The following ROBO1 variants were observed in gnomAD, a reference collection of about 807,000 sequenced individuals.
The protein encoded by ROBO1 is roundabout homolog 1.
A neutral mutation model predicts 195.9 loss-of-function variants in ROBO1; 149 were observed. The ratio of observed to expected loss-of-function variants is 0.76; its 90% CI spans 0.67 to 0.87. The LOEUF (loss-of-function observed/expected upper bound fraction) is 0.87. Among genes scored for constraint, ROBO1 ranks in the 40% least tolerant of loss-of-function variants. The pLI, the probability that ROBO1 is intolerant of heterozygous loss-of-function variation, is 0.00. For synonymous variants in ROBO1, 816 were observed against 733.2 expected (o/e 1.11, Z -1.82); for missense variants, 1,933 against 2,068.3 (o/e 0.93, Z 1.27).
chr3:79,366,008 C>G (rs542319433), intron 2 of ROBO1, among the ~76,000 whole-genome samples: 21 of 152,166 alleles, frequency 1.4e-4, no homozygotes, highest in African/African-American at 4.3e-4. Flanking sequence ...GTTATGCACT[C>G]TCATCCTTGT....
chr3:79,681,388 G>A (rs1946943081), intron 1 of ROBO1, among the ~76,000 whole-genome samples: 2 of 151,912 alleles, frequency 1.3e-5, no homozygotes, highest in African/African-American at 4.8e-5. Context: ...AATATAAAGA[G>A]CTTTCAGAGA....
intron 4 of ROBO1, among the ~76,000 whole-genome samples, chr3:78,753,395 C>G (rs369783195): frequency 6.3e-4 from 96 of 152,254 alleles, no homozygotes; most frequent in Middle Eastern, 6.8e-3. Context: ...GTGCAAAATA[C>G]TCCCTAGTGC....
intron 2 of ROBO1, among the ~76,000 whole-genome samples, chr3:79,280,660 C>A (rs1267852010): frequency 2.0e-5 from 3 of 152,104 alleles, no homozygotes; most frequent in Non-Finnish European, 4.4e-5. Context: ...CACCAGGGAC[C>A]AGTTTTGTAG....
intron 3 of ROBO1, among the ~76,000 whole-genome samples, chr3:79,083,808 T>C (rs1200287148): frequency 2.0e-5 from 3 of 152,206 alleles, no homozygotes; most frequent in African/African-American, 4.8e-5. Context: ...AGGGTTCTTA[T>C]CTAGAGTGGC....
chr3:78,682,170 C>A (rs1382190305), intron 10 of ROBO1, among the ~76,000 whole-genome samples: 1 of 151,732 alleles, frequency 6.6e-6, no homozygotes, highest in Non-Finnish European at 1.5e-5. Flanking sequence ...AAGTTAGGAT[C>A]AAGAAAAGTA....
chr3:79,447,041 G>C (rs764299974), intron 2 of ROBO1, among the ~76,000 whole-genome samples: 3 of 151,778 alleles, frequency 2.0e-5, no homozygotes, highest in African/African-American at 4.8e-5. Context: ...ATGTTGGCCA[G>C]TCTGGTCTCG....
intron 1 of ROBO1, among the ~76,000 whole-genome samples, chr3:79,729,943 C>A (rs1703077024): frequency 6.6e-6 from 1 of 152,114 alleles, no homozygotes; most frequent in African/African-American, 2.4e-5. Context: ...CCCATGATTT[C>A]TCTGTGAAAG....
At chr3:79,741,651 G>A (rs1703655276) in intron 1 of ROBO1, among the ~76,000 whole-genome samples, 1 of 152,150 alleles carries the variant, frequency 6.6e-6, no homozygotes, top group South Asian at 2.1e-4. Flanking sequence ...ATCTGAAAAT[G>A]CAAAAGTGAC....
intron 1 of ROBO1, among the ~76,000 whole-genome samples, chr3:79,756,356 C>A (rs1407497542): frequency 6.6e-6 from 1 of 151,942 alleles, no homozygotes; most frequent in African/African-American, 2.4e-5. Flanking sequence ...TCGAGATCAG[C>A]CTGAACAACA....
chr3:79,658,888 C>T (rs1946247946), intron 1 of ROBO1, among the ~76,000 whole-genome samples: 1 of 151,956 alleles, frequency 6.6e-6, no homozygotes, highest in Non-Finnish European at 1.5e-5. Context: ...AGTCATGTGC[C>T]AGCATGTCCG....
At chr3:79,617,543 C>T (rs1198052130) in intron 1 of ROBO1, among the ~76,000 whole-genome samples, 2 of 151,970 alleles carry the variant, frequency 1.3e-5, no homozygotes, top group African/African-American at 2.4e-5. Flanking sequence ...TATATTACAG[C>T]CCCAGCATCA....
At chr3:78,931,373 AG>A (rs1030238940) in intron 4 of ROBO1, among the ~76,000 whole-genome samples, 6 of 150,098 alleles carry the variant, frequency 4.0e-5, no homozygotes, top group African/African-American at 1.5e-4. Flanking sequence ...CAGCCTCCCG[AG>A]TAGCTGGGAT....
chr3:78,879,290 C>T (rs1014049503), intron 4 of ROBO1, among the ~76,000 whole-genome samples: 1 of 152,064 alleles, frequency 6.6e-6, no homozygotes, highest in Non-Finnish European at 1.5e-5. Flanking sequence ...AATTTTAAAT[C>T]GTGTATACTG....
At chr3:78,659,272 A>C (rs1707230735) in intron 17 of ROBO1, among the ~76,000 whole-genome samples, 1 of 152,226 alleles carries the variant, frequency 6.6e-6, no homozygotes, top group Non-Finnish European at 1.5e-5. Flanking sequence ...ACTTTAAAAA[A>C]TACACTGTTC....
chr3:78,652,178 C>A (rs775777659), intron 18 of ROBO1, among the ~76,000 whole-genome samples: 13 of 152,128 alleles, frequency 8.5e-5, no homozygotes, highest in Non-Finnish European at 1.2e-4. Flanking sequence ...AAAGCAATGG[C>A]ACACTGCTTC....
In ROBO1 at chr3:79,498,682, C is replaced by T. The variant is rs191002399; in HGVS notation, c.88+91142G>A. On this transcript the variant is annotated intron_variant, in intron 2 of 30. Transcript: ENST00000464233. Reference sequence around the variant, plus strand: ...CAGCCTGCTCAACGTGGTGAAACCCCGTCTCTACTAAATATACAAAAATTA... The same window carrying T: ...CAGCCTGCTCAACGTGGTGAAACCCTGTCTCTACTAAATATACAAAAATTA... Among the ~76,000 whole-genome samples the T allele has an allele frequency of 3.9e-4, 59 of 151,924 alleles. No homozygotes were observed. The Middle Eastern group carries it at 0.017, about 44-fold the overall frequency.
At chr3:79,620,927 C>G (rs570720877) in intron 1 of ROBO1, among the ~76,000 whole-genome samples, 1 of 152,260 alleles carries the variant, frequency 6.6e-6, no homozygotes, top group Non-Finnish European at 1.5e-5. Flanking sequence ...CTGGACAAAT[C>G]TTACAGGCTG....
intron 2 of ROBO1, among the ~76,000 whole-genome samples, chr3:79,511,174 T>G (rs1940684573): frequency 6.6e-6 from 1 of 152,154 alleles, no homozygotes; most frequent in African/African-American, 2.4e-5. Context: ...CAGTTAATTA[T>G]GATATTAGAC....
chr3:79,312,896 T>C (rs533238517), intron 2 of ROBO1, among the ~76,000 whole-genome samples: 3 of 152,324 alleles, frequency 2.0e-5, no homozygotes, highest in African/African-American at 7.2e-5. Context: ...TATACATGCA[T>C]ACATATACCT....
Sources: gnomAD v4.1 joint callset for allele counts (sites outside exome capture counted in the v4.1 genomes callset) on GRCh38, gnomAD v4.1.1 for gene constraint, MANE v1.5 for transcripts, NCBI Gene and HGNC (gene_info 2026-07-23, HGNC 2026-07-21) for gene names.